ARHGAP6: variants seen among roughly 807,000 people sequenced by gnomAD.
The protein encoded by ARHGAP6 is Rho GTPase activating protein 6.
A neutral mutation model predicts 55.7 loss-of-function variants in ARHGAP6; 16 were observed. The ratio of observed to expected loss-of-function variants is 0.29; its 90% CI spans 0.19 to 0.44. The LOEUF (loss-of-function observed/expected upper bound fraction) is 0.44. Among genes scored for constraint, ARHGAP6 ranks in the 20% least tolerant of loss-of-function variants. ARHGAP6 has a pLI of 1.00. For synonymous variants in ARHGAP6, 382 were observed against 360.9 expected (o/e 1.06, Z -0.66); for missense variants, 698 against 808.9 (o/e 0.86, Z 1.66).
At chrX:11,286,230 A>G (rs899971328) in intron 1 of ARHGAP6, among the ~76,000 whole-genome samples, 2 of 111,887 alleles carry the variant, frequency 1.8e-5, no homozygotes, top group Admixed American at 9.5e-5. Context: ...TTTTTGGGGA[A>G]CAGGTGATAT....
rs763879193 is a variant in ARHGAP6, at chrX:11,292,289, C to G, written c.589-37582G>C. Among the ~76,000 whole-genome samples, 3 of 111,695 alleles carry G rather than the reference C, an allele frequency of 2.7e-5. No individual in the cohort carries two copies. In the East Asian group the frequency reaches 8.4e-4, roughly 31 times the overall value. On this transcript the variant is annotated intron_variant, in intron 1 of 12. Transcript: ENST00000337414. ...ACGACTCGTCAGTTAGCTCCTGCCA[C>G]TAATTACAACTTTGCTCAATTAGAT...
chrX:11,366,360 A>T (rs2049078359), intron 1 of ARHGAP6, among the ~76,000 whole-genome samples: 1 of 112,527 alleles, frequency 8.9e-6, no homozygotes, highest in Non-Finnish European at 1.9e-5. Context: ...TTATACATAC[A>T]TACATTCAGA....
At chrX:11,205,057 G>A (rs1194649466) in intron 2 of ARHGAP6, among the ~76,000 whole-genome samples, 5 of 111,088 alleles carry the variant, frequency 4.5e-5, no homozygotes, top group African/African-American at 1.6e-4. Context: ...TGCTCAAGAA[G>A]TTAGTTGATC....
At chrX:11,234,435 T>C (rs2047172584) in intron 2 of ARHGAP6, among the ~76,000 whole-genome samples, 1 of 112,649 alleles carries the variant, frequency 8.9e-6, no homozygotes, top group African/African-American at 3.2e-5. Flanking sequence ...ATTTTTTCCA[T>C]TGCCAATGTT....
At chrX:11,444,750 G>A (rs773318601) in intron 1 of ARHGAP6, among the ~76,000 whole-genome samples, 14 of 98,256 alleles carry the variant, frequency 1.4e-4, no homozygotes, top group Admixed American at 1.2e-3. Context: ...ATTACTACCT[G>A]GAGACTTTTG....
At chrX:11,593,201 T>G (rs1454466230) in intron 1 of ARHGAP6, among the ~76,000 whole-genome samples, 1 of 112,077 alleles carries the variant, frequency 8.9e-6, no homozygotes, top group Admixed American at 9.5e-5. Context: ...CCCCTAATCC[T>G]CTAAAGTCAA....
chrX:11,348,452 G>A (rs1369116651), intron 1 of ARHGAP6, among the ~76,000 whole-genome samples: 1 of 111,045 alleles, frequency 9.0e-6, no homozygotes, highest in African/African-American at 3.3e-5. Context: ...GGGATCAGAA[G>A]TCTTTGTCTG....
At chrX:11,235,048 G>A (rs940022055) in intron 2 of ARHGAP6, among the ~76,000 whole-genome samples, 17 of 112,375 alleles carry the variant, frequency 1.5e-4, no homozygotes, top group African/African-American at 5.5e-4. Context: ...GCCCCAGTGG[G>A]GACTCTCTGT....
intron 1 of ARHGAP6, among the ~76,000 whole-genome samples, chrX:11,284,474 T>C (rs2047896881): frequency 8.9e-6 from 1 of 112,127 alleles, no homozygotes; most frequent in Admixed American, 9.4e-5. Context: ...TGTTTAACAG[T>C]CTGTACTTTA....
Position 11,643,002 on chromosome X carries a change from C to A in ARHGAP6, c.588+21239G>T, listed in dbSNP as rs772498939. 6.3e-5 allele frequency among the ~76,000 whole-genome samples: 7 copies of A among 111,355 alleles called. No homozygotes were observed. In the East Asian group the frequency reaches 1.7e-3, roughly 27 times the overall value. On this transcript the variant is annotated intron_variant, in intron 1 of 12. Transcript: ENST00000337414. The stretch of plus-strand genomic sequence containing the variant: ...TCCCTGCTTTTGTTTTTGTGAACAA[C>A]TCATTTGAGATTTGTCAGAAGGCAT...
chrX:11,255,870 A>G (rs1374073839), intron 1 of ARHGAP6, among the ~76,000 whole-genome samples: 2 of 111,999 alleles, frequency 1.8e-5, no homozygotes, highest in Admixed American at 9.5e-5. Flanking sequence ...GTGACGTCCA[A>G]AGAAAAAGTA....
intron 1 of ARHGAP6, among the ~76,000 whole-genome samples, chrX:11,522,602 A>G (rs12845642): frequency 0.084 from 9,377 of 111,466 alleles, 448 homozygotes; most frequent in East Asian, 0.18. Flanking sequence ...AGAATACTAT[A>G]AACACCTCTA....
chrX:11,453,208 A>AAT (rs760687069), intron 1 of ARHGAP6, among the ~76,000 whole-genome samples: 13 of 99,319 alleles, frequency 1.3e-4, no homozygotes, highest in East Asian at 2.9e-4. Flanking sequence ...ATATATACAT[A>AAT]ATATATATAT....
chrX:11,248,349 G>A (rs1272385036), intron 2 of ARHGAP6, among the ~76,000 whole-genome samples: 1 of 111,375 alleles, frequency 9.0e-6, no homozygotes, highest in African/African-American at 3.3e-5. Context: ...AGAATGGTTG[G>A]GCCATTTAAA....
intron 1 of ARHGAP6, chrX:11,335,273 C>T: frequency 7.8e-6 from 1 of 128,416 alleles, no homozygotes. Context: ...GCAAAATGTG[C>T]AGTTTTGTTA....
intron 1 of ARHGAP6, among the ~76,000 whole-genome samples, chrX:11,652,186 A>C (rs1033250195): frequency 1.8e-5 from 2 of 112,145 alleles, no homozygotes; most frequent in East Asian, 5.6e-4. Context: ...TGTCTTTGTC[A>C]TGAAATCTTT....
chrX:11,343,810 T>C (rs1018659260), intron 1 of ARHGAP6, among the ~76,000 whole-genome samples: 2 of 111,939 alleles, frequency 1.8e-5, no homozygotes, highest in East Asian at 5.6e-4. Context: ...GCAATTTATG[T>C]TGAGAAATAG....
chrX:11,484,446 A>G (rs1196621839), intron 1 of ARHGAP6, among the ~76,000 whole-genome samples: 2 of 107,861 alleles, frequency 1.9e-5, no homozygotes, highest in Non-Finnish European at 3.8e-5. Flanking sequence ...AAAGAGGAAG[A>G]GGAGGACAAG....
intron 1 of ARHGAP6, among the ~76,000 whole-genome samples, chrX:11,341,527 G>C (rs754861700): frequency 8.9e-6 from 1 of 112,125 alleles, no homozygotes; most frequent in South Asian, 3.8e-4. Context: ...GTTTGTATTG[G>C]ATCACCCCAG....
Sources: allele counts gnomAD v4.1 joint callset (sites outside exome capture counted in the v4.1 genomes callset), GRCh38; gene constraint gnomAD v4.1.1; transcripts MANE v1.5; gene names NCBI Gene and HGNC (gene_info 2026-07-23, HGNC 2026-07-21).